The following WWOX variants were observed in gnomAD, a reference collection of about 807,000 sequenced individuals.
The protein encoded by WWOX is WW domain-containing oxidoreductase.
In WWOX, 69 loss-of-function variants were observed where a neutral mutation model predicts 46.2. The ratio of observed to expected loss-of-function variants is 1.49; its 90% CI spans 1.23 to 1.82. WWOX has a LOEUF of 1.82. Ranked by LOEUF, WWOX falls within the 40% of genes most tolerant of loss-of-function variation. The pLI is 0.00. For synonymous variants in WWOX, 359 were observed against 202.6 expected (o/e 1.77, Z -6.56); for missense variants, 919 against 542.6 (o/e 1.69, Z -6.89).
At chr16:78,411,226 T>A (rs1597189549) in intron 6 of WWOX, among the ~76,000 whole-genome samples, 1 of 152,134 alleles carries the variant, frequency 6.6e-6, no homozygotes, top group East Asian at 1.9e-4. Context: ...TGGGAGTCAT[T>A]TGGACCCTGC....
At chr16:78,318,939 G>A (rs189439246) in intron 5 of WWOX, among the ~76,000 whole-genome samples, 8 of 152,200 alleles carry the variant, frequency 5.3e-5, no homozygotes, top group Admixed American at 1.3e-4. Flanking sequence ...GTCCTAATCC[G>A]CGGAAACTAT....
chr16:78,360,301 G>C (rs2081382383), intron 5 of WWOX, among the ~76,000 whole-genome samples: 2 of 152,230 alleles, frequency 1.3e-5, no homozygotes, highest in African/African-American at 4.8e-5. Flanking sequence ...AGTTGGAGAA[G>C]TAGGCTGGGC....
At chr16:78,691,574 G>A (rs1170871478) in intron 8 of WWOX, among the ~76,000 whole-genome samples, 1 of 152,044 alleles carries the variant, frequency 6.6e-6, no homozygotes, top group African/African-American at 2.4e-5. Flanking sequence ...TGGGTATAGT[G>A]GTGTGCACCT....
intron 5 of WWOX, among the ~76,000 whole-genome samples, chr16:78,312,798 C>G (rs1488711253): frequency 1.3e-5 from 2 of 152,342 alleles, no homozygotes; most frequent in East Asian, 3.9e-4. Flanking sequence ...TACCTTAGGT[C>G]CAGTCTTGTG....
chr16:78,998,105 A>C (rs1363949671), intron 8 of WWOX, among the ~76,000 whole-genome samples: 2 of 151,990 alleles, frequency 1.3e-5, no homozygotes, highest in African/African-American at 4.8e-5. Context: ...TGAACTCCTG[A>C]CCTCAGGTGA....
intron 5 of WWOX, chr16:78,241,155 A>G (rs1224466274): frequency 2.0e-5 from 3 of 152,246 alleles, no homozygotes; most frequent in East Asian, 1.9e-4. Context: ...TGTGACTGTC[A>G]ACATTAAAAT....
At chr16:78,889,942 T>G (rs532718783) in intron 8 of WWOX, among the ~76,000 whole-genome samples, 74 of 152,214 alleles carry the variant, frequency 4.9e-4, no homozygotes, top group Non-Finnish European at 9.4e-4. Context: ...TTAAATTAGA[T>G]GTGTACCATC....
At chr16:78,818,330 C>G (rs2051397329) in intron 8 of WWOX, among the ~76,000 whole-genome samples, 1 of 152,244 alleles carries the variant, frequency 6.6e-6, no homozygotes, top group Admixed American at 6.5e-5. Flanking sequence ...CCATCACCCT[C>G]TCCAGCACAC....
intron 8 of WWOX, among the ~76,000 whole-genome samples, chr16:79,011,138 C>CACAG (rs1428724363): frequency 3.0e-5 from 1 of 33,444 alleles, no homozygotes; most frequent in Non-Finnish European, 4.6e-5. Context: ...CACACATCCA[C>CACAG]ACACACACAC....
chr16:78,737,083 TC>T (rs888556583), intron 8 of WWOX, among the ~76,000 whole-genome samples: 1 of 151,834 alleles, frequency 6.6e-6, no homozygotes, highest in Middle Eastern at 3.2e-3. Context: ...TGCTCATCTG[TC>T]TTTATTTTTG....
At chr16:79,106,717 C>G (rs1461424462) in intron 8 of WWOX, 1 of 148,014 alleles carries the variant, frequency 6.8e-6, no homozygotes, top group East Asian at 2.0e-4. Context: ...TCTCCTGCCT[C>G]AAGCAACTCT....
chr16:79,020,055 T>A (rs950964053), intron 8 of WWOX, among the ~76,000 whole-genome samples: 11 of 152,202 alleles, frequency 7.2e-5, no homozygotes, highest in Admixed American at 3.3e-4. Context: ...ACTTCTGCCT[T>A]TCTTATGTCA....
intron 8 of WWOX, among the ~76,000 whole-genome samples, chr16:78,663,181 C>T (rs551014133): frequency 6.6e-6 from 1 of 152,322 alleles, no homozygotes; most frequent in South Asian, 2.1e-4. Context: ...GATCTCTTGA[C>T]AACTACTCAT....
chr16:79,078,753 G>C (rs1029713200), intron 8 of WWOX, among the ~76,000 whole-genome samples: 1 of 152,176 alleles, frequency 6.6e-6, no homozygotes, highest in Non-Finnish European at 1.5e-5. Flanking sequence ...ATGATTTCTG[G>C]TCCATCTTTT....
chr16:78,979,315 G>GT (rs893005369), intron 8 of WWOX, among the ~76,000 whole-genome samples: 4 of 151,824 alleles, frequency 2.6e-5, no homozygotes, highest in Non-Finnish European at 5.9e-5. Flanking sequence ...AACCTTTATA[G>GT]TTTTTTTTCT....
chr16:78,424,673 T>C (rs2083033746), intron 6 of WWOX, among the ~76,000 whole-genome samples, 197 bp from the exon 7 acceptor site: 3 of 152,130 alleles, frequency 2.0e-5, no homozygotes, highest in Admixed American at 6.5e-5. Context: ...ACTCAAAGCC[T>C]TGTGACATTC....
chr16:78,807,705 C>A (rs1041544356), intron 8 of WWOX, among the ~76,000 whole-genome samples: 1 of 152,330 alleles, frequency 6.6e-6, no homozygotes, highest in Non-Finnish European at 1.5e-5. Flanking sequence ...AAAGAAGAAA[C>A]AACGTACTGT....
chr16:78,577,617 C>T (rs2044919868), intron 8 of WWOX, among the ~76,000 whole-genome samples: 1 of 152,128 alleles, frequency 6.6e-6, no homozygotes, highest in Admixed American at 6.6e-5. Context: ...GCTTTGGTTC[C>T]TAAATTATTT....
chr16:78,808,488 T>A (rs1178318420), intron 8 of WWOX, among the ~76,000 whole-genome samples: 2 of 152,244 alleles, frequency 1.3e-5, no homozygotes, highest in African/African-American at 4.8e-5. Context: ...ATTACATATT[T>A]ACTAATTGAT....
Sources: allele counts gnomAD v4.1 joint callset (sites outside exome capture counted in the v4.1 genomes callset), GRCh38; gene constraint gnomAD v4.1.1; transcripts MANE v1.5; gene names NCBI Gene and HGNC (gene_info 2026-07-23, HGNC 2026-07-21).